The following JAK1 variants were observed in gnomAD, a reference collection of about 807,000 sequenced individuals.
The protein encoded by JAK1 is Janus kinase 1.
A neutral mutation model predicts 136.6 loss-of-function variants in JAK1; 16 were observed. The ratio of observed to expected loss-of-function variants is 0.12; its 90% CI spans 0.08 to 0.18. The LOEUF is 0.18. JAK1 is among the 10% of genes least tolerant of loss of function. The pLI is 1.00. For synonymous variants in JAK1, 492 were observed against 519.5 expected, an observed-to-expected ratio of 0.95 and a Z score of 0.72; for missense variants, 859 against 1,450.1, an observed-to-expected ratio of 0.59 and a Z score of 6.62.
At chr1:65,058,243 G>A (rs559462733) in intron 1 of JAK1, among the ~76,000 whole-genome samples, 1 of 152,288 alleles carries the variant, frequency 6.6e-6, no homozygotes, top group African/African-American at 2.4e-5. Context: ...CAACATGGCT[G>A]CACCAACAAC....
chr1:64,947,770 T>G (rs965143698), intron 1 of JAK1, among the ~76,000 whole-genome samples: 7 of 152,008 alleles, frequency 4.6e-5, no homozygotes, highest in African/African-American at 1.4e-4. Context: ...ACTAAAACAG[T>G]AGTACACAAG....
At chr1:64,848,651 T>G (rs975504248) in intron 12 of JAK1, among the ~76,000 whole-genome samples, 4 of 152,198 alleles carry the variant, frequency 2.6e-5, no homozygotes, top group Admixed American at 2.0e-4. Context: ...CTTTTAAAAT[T>G]CTTAATATTT....
At chr1:65,052,118 ATT>A (rs71056073) in intron 1 of JAK1, among the ~76,000 whole-genome samples, 1,782 of 93,578 alleles carry the variant, frequency 0.019, 21 homozygotes, top group East Asian at 0.07. Flanking sequence ...ACGCCTGGCT[ATT>A]TTTTTTTTTT....
intron 2 of JAK1, among the ~76,000 whole-genome samples, chr1:65,044,330 T>C (rs938511149): frequency 1.3e-5 from 2 of 152,136 alleles, no homozygotes; most frequent in African/African-American, 4.8e-5. Context: ...CAGAGTGAGC[T>C]TTAGGTCAGA....
chr1:64,855,648 C>T lies in JAK1; in HGVS notation c.1509G>A (p.Gln503=). 2.5e-6 allele frequency: 4 copies of T among 1,614,128 alleles called. No homozygotes were observed. The highest frequency in any genetic ancestry group is 3.4e-6 in the Non-Finnish European group (4 of 1,180,006). ...AACCGTGCAGACTGTAGCGGCCCTT[C>T]TGCACCTCGATCTGAAAGTTCTTGA... ...KQFKNFQIEV[Q]KGRYSLHGSD... The change falls in exon 11 of 25, where the codon CAG becomes CAA. Residue 503 remains glutamine, a synonymous_variant. Coordinates refer to ENST00000342505, the MANE Select transcript of JAK1 (RefSeq NM_002227.4).
At chr1:64,838,190 G>A in intron 21 of JAK1, 86 bp from the exon 22 acceptor site, 2 of 1,336,486 alleles carry the variant, frequency 1.5e-6, no homozygotes, top group Non-Finnish European at 1.0e-6. Flanking sequence ...AAATAGAAAT[G>A]TCATTTCATT....
intron 2 of JAK1, among the ~76,000 whole-genome samples, chr1:64,980,554 C>CT (rs550290962): frequency 2.9e-4 from 41 of 142,336 alleles, no homozygotes; most frequent in East Asian, 1.2e-3. Context: ...TCTCAATTTT[C>CT]TTTTTTTTTT....
intron 2 of JAK1, chr1:64,973,512 C>T (rs1189216332): frequency 6.8e-6 from 1 of 147,958 alleles, no homozygotes; most frequent in Non-Finnish European, 1.5e-5. Flanking sequence ...AATGGATGTT[C>T]TGAAGTGTCA....
intron 1 of JAK1, among the ~76,000 whole-genome samples, chr1:64,891,959 C>T (rs1194415373): frequency 1.3e-5 from 2 of 152,234 alleles, no homozygotes; most frequent in Admixed American, 6.5e-5. Context: ...TTCGGTGCTT[C>T]GCACTGCTCC....
chr1:65,010,277 CTCTT>C (rs1465774002), intron 2 of JAK1, among the ~76,000 whole-genome samples: 1 of 152,190 alleles, frequency 6.6e-6, no homozygotes, highest in Non-Finnish European at 1.5e-5. Context: ...TTCCTGTTCT[CTCTT>C]ATGCTTGCGC....
rs34680086 is a variant in JAK1, at chr1:64,838,513, G to T, written c.2919C>A (p.Asn973Lys). 1.5e-5 allele frequency: 25 copies of T among 1,613,836 alleles called. No individual in the cohort carries two copies. The East Asian group carries it at 4.2e-4, about 27-fold the overall frequency. ...SLKEYLPKNKNKINLKQQLKY... is the reference protein window; with the variant it reads ...SLKEYLPKNKKKINLKQQLKY... ...TTAGCTGCTGTTTGAGGTTTATTTTGTTCTTATTCTTTGGAAGATATTCCT... is the reference window on the plus strand; with the variant it reads ...TTAGCTGCTGTTTGAGGTTTATTTTTTTCTTATTCTTTGGAAGATATTCCT... The change falls in exon 21 of 25, where the codon AAC becomes AAA. Residue 973 changes from asparagine to lysine, a missense_variant. By Grantham distance (94) the Asn-to-Lys change is moderately conservative. This residue lies in a region of JAK1 where 409 missense variants were observed against 753.8 expected (regional missense o/e 0.54). Transcript: ENST00000342505.
chr1:65,040,919 G>C (rs182130777), intron 2 of JAK1, among the ~76,000 whole-genome samples: 2 of 152,140 alleles, frequency 1.3e-5, no homozygotes. Flanking sequence ...CCCAGGAAGT[G>C]AAGTTTTTAT....
chr1:65,024,781 A>G (rs1485289139), intron 2 of JAK1, among the ~76,000 whole-genome samples: 1 of 152,022 alleles, frequency 6.6e-6, no homozygotes, highest in African/African-American at 2.4e-5. Flanking sequence ...GTTTGAGACC[A>G]GCCTGGCCAA....
intron 1 of JAK1, among the ~76,000 whole-genome samples, chr1:64,923,339 A>G (rs1176656956): frequency 6.6e-6 from 1 of 152,212 alleles, no homozygotes; most frequent in Non-Finnish European, 1.5e-5. Flanking sequence ...CCCCTTCATT[A>G]TTCTAACTCA....
At chr1:64,928,778 C>CAAAAAAAAAAAATAAAAAAAAA (rs1645627272) in intron 1 of JAK1, among the ~76,000 whole-genome samples, 1 of 61,126 alleles carries the variant, frequency 1.6e-5, no homozygotes, top group African/African-American at 5.7e-5. Flanking sequence ...TAAAACTCTG[C>CAAAAAAAAAAAATAAAAAAAAA]AAAAAAAAAA....
chr1:65,051,742 A>C (rs1295416462), intron 1 of JAK1, among the ~76,000 whole-genome samples: 2 of 152,176 alleles, frequency 1.3e-5, no homozygotes, highest in Non-Finnish European at 2.9e-5. Flanking sequence ...ATGGTTCTCT[A>C]TTTCTTCTCA....
At chr1:64,920,748 C>T (rs1645480712) in intron 1 of JAK1, among the ~76,000 whole-genome samples, 1 of 152,090 alleles carries the variant, frequency 6.6e-6, no homozygotes, top group Admixed American at 6.5e-5. Context: ...CAGTTTTCCC[C>T]ACTGTAAAAC....
chr1:65,023,379 A>G (rs560902506), intron 2 of JAK1, among the ~76,000 whole-genome samples: 2 of 152,156 alleles, frequency 1.3e-5, no homozygotes, highest in Non-Finnish European at 2.9e-5. Context: ...TACAAGCCTG[A>G]GCCAACATGC....
At chr1:64,871,865 T>A (rs901694564) in intron 5 of JAK1, among the ~76,000 whole-genome samples, 13 of 152,216 alleles carry the variant, frequency 8.5e-5, no homozygotes, top group African/African-American at 2.2e-4. Context: ...CACAATCTGC[T>A]TTCCACGTGT....
Sources: gnomAD v4.1 joint callset for allele counts (sites outside exome capture counted in the v4.1 genomes callset) on GRCh38, gnomAD v4.1.1 for gene constraint, gnomAD v4.1.1 regional missense constraint, MANE v1.5 for transcripts, NCBI Gene and HGNC (gene_info 2026-07-23, HGNC 2026-07-21) for gene names.